Variants in LHFPL3 observed in about 807,000 individuals in gnomAD.
LHFPL3 encodes the protein LHFPL tetraspan subfamily member 3 protein.
Under a neutral mutation model 19.3 loss-of-function variants are expected in LHFPL3, and 5 were observed. The observed-to-expected ratio is 0.26, with a 90% CI of 0.14 to 0.54. LHFPL3 has a LOEUF of 0.54. Among genes scored for constraint, LHFPL3 ranks in the 20% least tolerant of loss-of-function variants. LHFPL3 has a pLI of 0.94. For missense variants in LHFPL3, 249 were observed against 307.4 expected, an observed-to-expected ratio of 0.81 and a Z score of 1.42; for synonymous variants, 133 against 126.2, an observed-to-expected ratio of 1.05 and a Z score of -0.36.
intron 2 of LHFPL3, among the ~76,000 whole-genome samples, chr7:104,894,162 T>A (rs1333302574): frequency 2.0e-5 from 3 of 152,172 alleles, no homozygotes; most frequent in Non-Finnish European, 4.4e-5. Context: ...TTGTTATCCT[T>A]ACAGTGGTAT....
At chr7:104,442,841 C>G (rs981946028) in intron 1 of LHFPL3, among the ~76,000 whole-genome samples, 2 of 152,216 alleles carry the variant, frequency 1.3e-5, no homozygotes, top group Non-Finnish European at 2.9e-5. Context: ...CTTAATCTCT[C>G]CTATACTCTA....
chr7:104,714,228 TTTG>T (rs1045954304), intron 1 of LHFPL3, among the ~76,000 whole-genome samples: 2 of 152,168 alleles, frequency 1.3e-5, no homozygotes, highest in African/African-American at 4.8e-5. Context: ...TTGTTGTTGT[TTTG>T]TTTTTGATAC....
chr7:104,374,681 C>A (rs17331419), intron 1 of LHFPL3, among the ~76,000 whole-genome samples: 1 of 151,986 alleles, frequency 6.6e-6, no homozygotes, highest in South Asian at 2.1e-4. Flanking sequence ...GGAACCCTGC[C>A]TTGATCTAAT....
intron 1 of LHFPL3, among the ~76,000 whole-genome samples, chr7:104,537,498 G>A (rs1014868928): frequency 3.3e-5 from 5 of 152,102 alleles, no homozygotes; most frequent in African/African-American, 1.2e-4. Flanking sequence ...CCCCTATTAT[G>A]TTTCTAGGTG....
At chr7:104,524,529 T>C (rs1794145505) in intron 1 of LHFPL3, among the ~76,000 whole-genome samples, 1 of 152,164 alleles carries the variant, frequency 6.6e-6, no homozygotes. Context: ...ACCCTGTATC[T>C]ATCTCTTCCT....
intron 1 of LHFPL3, among the ~76,000 whole-genome samples, chr7:104,702,284 G>A (rs570057176): frequency 1.3e-5 from 2 of 152,268 alleles, no homozygotes; most frequent in East Asian, 3.9e-4. Flanking sequence ...TGTGTGCCAG[G>A]AAAAACACAT....
intron 1 of LHFPL3, among the ~76,000 whole-genome samples, chr7:104,628,877 G>T (rs1791591831): frequency 6.6e-6 from 1 of 152,088 alleles, no homozygotes; most frequent in African/African-American, 2.4e-5. Context: ...CATTGTAAAT[G>T]GTAATGTGTT....
intron 1 of LHFPL3, among the ~76,000 whole-genome samples, chr7:104,509,825 C>A (rs1008208295): frequency 6.6e-6 from 1 of 151,948 alleles, no homozygotes; most frequent in African/African-American, 2.4e-5. Flanking sequence ...GAGGATGTGA[C>A]GATCTATGTA....
intron 2 of LHFPL3, among the ~76,000 whole-genome samples, chr7:104,876,518 T>A (rs925887636): frequency 1.4e-4 from 21 of 150,428 alleles, no homozygotes; most frequent in Non-Finnish European, 3.0e-5. Context: ...AAAAGACACA[T>A]GAAAAAATGC....
rs77381668 is a variant in LHFPL3 at position 104,571,733 on chromosome 7, C to G, written c.446-164942C>G. ...TTCCTTTTTTTCTCCCCTGCCCTTG[C>G]AGCCCTGTAGGTATTTGCAGACAAC... On this transcript the variant is annotated intron_variant, in intron 1 of 2. Transcript: ENST00000424859. Among the ~76,000 whole-genome samples, 672 of 152,364 alleles carry G rather than the reference C, an allele frequency of 4.4e-3. 6 individuals carry two copies. The highest frequency in any genetic ancestry group is 7.5e-3 in the Non-Finnish European group (508 of 68,030).
intron 1 of LHFPL3, among the ~76,000 whole-genome samples, chr7:104,498,786 T>C (rs569986550): frequency 7.9e-5 from 12 of 152,276 alleles, no homozygotes; most frequent in African/African-American, 2.9e-4. Flanking sequence ...CCAGAAACAG[T>C]TTTTAATAAA....
intron 1 of LHFPL3, among the ~76,000 whole-genome samples, chr7:104,556,057 C>T (rs1451166656): frequency 6.6e-6 from 1 of 152,200 alleles, no homozygotes; most frequent in East Asian, 1.9e-4. Context: ...GCAGATCTGC[C>T]CCTGTGGCTT....
chr7:104,602,572 G>A (rs28668714), intron 1 of LHFPL3, among the ~76,000 whole-genome samples: 6,591 of 152,262 alleles, frequency 0.043, 165 homozygotes, highest in African/African-American at 0.063. Flanking sequence ...ACAGAGGAAG[G>A]CTAAGTGGTA....
intron 2 of LHFPL3, among the ~76,000 whole-genome samples, chr7:104,838,656 A>C (rs1791142262): frequency 6.6e-6 from 1 of 152,350 alleles, no homozygotes; most frequent in African/African-American, 2.4e-5. Flanking sequence ...CCGTCTTGCA[A>C]AACAGTGACG....
At chr7:104,863,302 A>C (rs542278679) in intron 2 of LHFPL3, among the ~76,000 whole-genome samples, 1 of 152,206 alleles carries the variant, frequency 6.6e-6, no homozygotes, top group South Asian at 2.1e-4. Flanking sequence ...AGTGTGTTGA[A>C]TTTCATTCTG....
At chr7:104,374,366 C>G (rs1002178098) in intron 1 of LHFPL3, among the ~76,000 whole-genome samples, 2 of 151,874 alleles carry the variant, frequency 1.3e-5, no homozygotes, top group Non-Finnish European at 2.9e-5. Context: ...CTCAGCCTCC[C>G]GAGTAGCTGG....
At chr7:104,358,971 T>C (rs1241907351) in intron 1 of LHFPL3, among the ~76,000 whole-genome samples, 1 of 152,154 alleles carries the variant, frequency 6.6e-6, no homozygotes, top group Non-Finnish European at 1.5e-5. Context: ...CTGACAGACA[T>C]AGATGAATTT....
intron 1 of LHFPL3, among the ~76,000 whole-genome samples, chr7:104,467,283 T>C (rs1416685414): frequency 6.6e-6 from 1 of 152,164 alleles, no homozygotes; most frequent in Non-Finnish European, 1.5e-5. Flanking sequence ...CAGTAGGCAG[T>C]CTGGGTTAAT....
At chr7:104,757,064 A>T (rs941615242) in intron 2 of LHFPL3, among the ~76,000 whole-genome samples, 1 of 152,196 alleles carries the variant, frequency 6.6e-6, no homozygotes, top group African/African-American at 2.4e-5. Flanking sequence ...CACACCTACA[A>T]CCATCTGATC....
Sources: gnomAD v4.1 joint callset for allele counts (sites outside exome capture counted in the v4.1 genomes callset) on GRCh38, gnomAD v4.1.1 for gene constraint, MANE v1.5 for transcripts, NCBI Gene and HGNC (gene_info 2026-07-23, HGNC 2026-07-21) for gene names.